Variants in ELMO1 observed in about 807,000 individuals in gnomAD.
The protein encoded by ELMO1 is engulfment and cell motility 1, also known as engulfment and cell motility protein 1.
In ELMO1, 26 loss-of-function variants were observed where a neutral mutation model predicts 98.9. The ratio of observed to expected loss-of-function variants is 0.26; its 90% CI spans 0.19 to 0.36. The LOEUF (loss-of-function observed/expected upper bound fraction) is 0.36, where lower values mean the gene tolerates loss of function less well. Ranked by LOEUF, ELMO1 falls within the 10% of genes least tolerant of loss-of-function variation. The pLI is 1.00. For missense variants in ELMO1, 627 were observed against 935.2 expected (o/e 0.67, Z 4.30); for synonymous variants, 346 against 346.0 (o/e 1.00, Z 0.00).
At chr7:36,953,026 C>G (rs994770130) in intron 16 of ELMO1, among the ~76,000 whole-genome samples, 1 of 129,880 alleles carries the variant, frequency 7.7e-6, no homozygotes, top group African/African-American at 2.9e-5. Flanking sequence ...AGCTAAAGTA[C>G]AGTGGCGCGA....
At chr7:37,062,421 T>C (rs182229779) in intron 15 of ELMO1, among the ~76,000 whole-genome samples, 1 of 152,176 alleles carries the variant, frequency 6.6e-6, no homozygotes, top group African/African-American at 2.4e-5. Flanking sequence ...AGAAAGCCTG[T>C]CAAAACCAGC....
At chr7:37,390,149 C>T (rs1343172884) in intron 1 of ELMO1, among the ~76,000 whole-genome samples, 2 of 152,208 alleles carry the variant, frequency 1.3e-5, no homozygotes, top group Non-Finnish European at 2.9e-5. Flanking sequence ...TTTTTAAAAA[C>T]ACAAACGGTA....
intron 10 of ELMO1, among the ~76,000 whole-genome samples, chr7:37,221,671 G>A (rs964456756): frequency 6.6e-6 from 1 of 151,820 alleles, no homozygotes; most frequent in African/African-American, 2.4e-5. Flanking sequence ...AAGGTTCCAT[G>A]TATGTATATT....
intron 1 of ELMO1, among the ~76,000 whole-genome samples, chr7:37,351,695 C>A (rs534400800): frequency 6.6e-6 from 1 of 152,182 alleles, no homozygotes; most frequent in Non-Finnish European, 1.5e-5. Flanking sequence ...CTGTCCCTTA[C>A]AATTGAAAAA....
intron 15 of ELMO1, among the ~76,000 whole-genome samples, chr7:37,069,209 A>T (rs933717240): frequency 6.6e-6 from 1 of 152,108 alleles, no homozygotes; most frequent in Non-Finnish European, 1.5e-5. Flanking sequence ...GCCCCTCCCC[A>T]CTTCCCCAGT....
At chr7:37,320,169 C>T (rs1411822495) in intron 2 of ELMO1, among the ~76,000 whole-genome samples, 1 of 151,978 alleles carries the variant, frequency 6.6e-6, no homozygotes, top group African/African-American at 2.4e-5. Context: ...TCCAGCTACT[C>T]GGGAGCCTGA....
At chr7:37,254,664 T>C (rs1795543513) in intron 6 of ELMO1, among the ~76,000 whole-genome samples, 1 of 152,126 alleles carries the variant, frequency 6.6e-6, no homozygotes, top group Non-Finnish European at 1.5e-5. Flanking sequence ...TGGTATAAAA[T>C]ATAAAAAATG....
At chr7:37,160,565 C>A (rs774675972) in intron 13 of ELMO1, among the ~76,000 whole-genome samples, 1 of 152,130 alleles carries the variant, frequency 6.6e-6, no homozygotes, top group East Asian at 1.9e-4. Context: ...AGGAGCAGGG[C>A]GGTTTAAAGC....
At chr7:36,925,505 T>G (rs1785497123) in intron 16 of ELMO1, among the ~76,000 whole-genome samples, 1 of 152,170 alleles carries the variant, frequency 6.6e-6, no homozygotes. Context: ...GGAAGGCCTC[T>G]CTTCCTTATG....
chr7:36,911,217 T>C (rs1259317698), intron 16 of ELMO1, among the ~76,000 whole-genome samples: 2 of 152,180 alleles, frequency 1.3e-5, no homozygotes, highest in Non-Finnish European at 2.9e-5. Flanking sequence ...GCTGAGACAT[T>C]ATCTCTACAA....
intron 2 of ELMO1, among the ~76,000 whole-genome samples, chr7:37,323,147 G>C (rs1260836236): frequency 6.6e-6 from 1 of 152,048 alleles, no homozygotes; most frequent in Admixed American, 6.6e-5. Context: ...GTATATTCCG[G>C]GGAAATTTTA....
chr7:37,275,217 C>G (rs1796765587), intron 4 of ELMO1, among the ~76,000 whole-genome samples: 1 of 152,188 alleles, frequency 6.6e-6, no homozygotes, highest in Non-Finnish European at 1.5e-5. Context: ...GGATTCCTAA[C>G]TGCTAAGGAA....
chr7:36,882,132 G>C (rs900127773), intron 18 of ELMO1, among the ~76,000 whole-genome samples: 6 of 152,218 alleles, frequency 3.9e-5, no homozygotes, highest in Admixed American at 6.5e-5. Flanking sequence ...TTTGTTTTGA[G>C]TGCAGAGCCC....
At chr7:37,270,925 A>C (rs1796522779) in intron 5 of ELMO1, 1 of 149,164 alleles carries the variant, frequency 6.7e-6, no homozygotes. Context: ...ACACACACAC[A>C]CTGACTTTTT....
chr7:36,888,509 A>T (rs931604343), intron 17 of ELMO1, among the ~76,000 whole-genome samples: 3 of 152,204 alleles, frequency 2.0e-5, no homozygotes, highest in Non-Finnish European at 2.9e-5. Flanking sequence ...TAGATCTACA[A>T]GTCAGAAGAC....
chr7:37,088,313 T>G (rs915489091), intron 15 of ELMO1, among the ~76,000 whole-genome samples: 5 of 152,194 alleles, frequency 3.3e-5, no homozygotes, highest in Non-Finnish European at 5.9e-5. Flanking sequence ...TCCTGCAATT[T>G]CAGAAGTATC....
chr7:37,118,958 G>A (rs1263161483), intron 14 of ELMO1, among the ~76,000 whole-genome samples: 5 of 152,166 alleles, frequency 3.3e-5, no homozygotes, highest in Admixed American at 6.5e-5. Flanking sequence ...TATGGACAAT[G>A]GACACATATT....
At chr7:37,395,367 C>CAAAA (rs59452486) in intron 1 of ELMO1, among the ~76,000 whole-genome samples, 681 of 64,374 alleles carry the variant, frequency 0.011, 5 homozygotes, top group Non-Finnish European at 0.014. Context: ...AACTCCATCT[C>CAAAA]AAAAAAAAAA....
rs376862204 is a variant in ELMO1, at chr7:37,421,872, A to G, written c.-74+26803T>C. ...CTGGCCCCTCTGCTTGGAGTTTACA[A>G]TGCAGTGGGACTGAACCACAAGAAG... On this transcript the variant is annotated intron_variant, in intron 1 of 21. Coordinates refer to ENST00000310758, the MANE Select transcript of ELMO1 (RefSeq NM_014800.11). 9.7e-4 allele frequency among the ~76,000 whole-genome samples: 147 copies of G among 152,288 alleles called. 1 individual carries two copies. Among genetic ancestry groups the G allele is most frequent in the African/African-American group, 3.4e-3 (143 of 41,568 alleles).
Sources: allele counts gnomAD v4.1 joint callset (sites outside exome capture counted in the v4.1 genomes callset), GRCh38; gene constraint gnomAD v4.1.1; transcripts MANE v1.5; gene names NCBI Gene and HGNC (gene_info 2026-07-23, HGNC 2026-07-21).